Variants in ZBTB16 observed in about 807,000 individuals in gnomAD.
ZBTB16 encodes the protein zinc finger and BTB domain-containing protein 16.
Under a neutral mutation model 56.8 loss-of-function variants are expected in ZBTB16, and 8 were observed. The ratio of observed to expected loss-of-function variants is 0.14; its 90% CI spans 0.08 to 0.25. ZBTB16 has a LOEUF of 0.25. ZBTB16 is among the 10% of genes least tolerant of loss of function. The probability of loss-of-function intolerance (pLI) is 1.00; values close to 1 mark genes in which losing one functional copy is unlikely to be tolerated. For synonymous variants in ZBTB16, 363 were observed against 368.5 expected (o/e 0.98, Z 0.17); for missense variants, 625 against 903.0 (o/e 0.69, Z 3.95).
At chr11:114,166,853 C>T (rs1345711761) in intron 3 of ZBTB16, among the ~76,000 whole-genome samples, 4 of 152,074 alleles carry the variant, frequency 2.6e-5, no homozygotes, top group African/African-American at 7.2e-5. Flanking sequence ...CTGGAGTTTC[C>T]GAGGAATCCA....
intron 2 of ZBTB16, among the ~76,000 whole-genome samples, chr11:114,116,469 T>G (rs1941178904): frequency 2.0e-5 from 3 of 152,222 alleles, no homozygotes; most frequent in Admixed American, 6.5e-5. Flanking sequence ...GATGGATATT[T>G]GGGCATTTGA....
chr11:114,243,192 A>G lies in ZBTB16; in HGVS notation c.1624+855A>G, dbSNP rs541013189. ...AAACTACCTGGTTAAAGGAATGCCCATTTCTGAGTCTGCCTTTGTGTGCTG... is the reference window on the plus strand; with the variant it reads ...AAACTACCTGGTTAAAGGAATGCCCGTTTCTGAGTCTGCCTTTGTGTGCTG... On this transcript the variant is annotated intron_variant, in intron 5 of 6. Coordinates refer to ENST00000335953, the MANE Select transcript of ZBTB16 (RefSeq NM_006006.6). Among the ~76,000 whole-genome samples, 171 of 152,302 alleles carry G rather than the reference A, an allele frequency of 1.1e-3. 1 individual carries two copies. Among genetic ancestry groups the G allele is most frequent in the Non-Finnish European group, 1.9e-3 (126 of 68,010 alleles).
At chr11:114,144,177 GACACACACACACAC>G (rs56679355) in intron 2 of ZBTB16, among the ~76,000 whole-genome samples, 1 of 144,968 alleles carries the variant, frequency 6.9e-6, no homozygotes, top group African/African-American at 2.5e-5. Flanking sequence ...GTGTTTGCCA[GACACACACACACAC>G]ACACACACAC....
chr11:114,148,375 TCCTTCCTTCCTTCCTC>T (rs1942170031), intron 2 of ZBTB16, among the ~76,000 whole-genome samples: 1 of 139,442 alleles, frequency 7.2e-6, no homozygotes, highest in African/African-American at 2.8e-5. Flanking sequence ...CTTCCTTCCT[TCCTTCCTTCCTTCCTC>T]CTTCCCTCCC....
rs112104481 is a variant in ZBTB16, at chr11:114,248,597, G to C, written c.1792+1232G>C. 2.0e-3 allele frequency among the ~76,000 whole-genome samples: 311 copies of C among 152,316 alleles called. 1 individual carries two copies. Among genetic ancestry groups the C allele is most frequent in the Admixed American group, 2.8e-3 (43 of 15,302 alleles). On this transcript the variant is annotated intron_variant, in intron 6 of 6. Transcript: ENST00000335953. The stretch of plus-strand genomic sequence containing the variant: ...AGACAGCTGTCCTGTCCAGAGGAAG[G>C]GGGAGAGGTGGCTTCAGGCAGGTCC...
At chr11:114,076,015 G>A (rs1939548991) in intron 2 of ZBTB16, among the ~76,000 whole-genome samples, 1 of 152,120 alleles carries the variant, frequency 6.6e-6, no homozygotes, top group Admixed American at 6.5e-5. Flanking sequence ...ATGTTTGTGA[G>A]TTGTCTGGCA....
chr11:114,149,699 C>T (rs926952457), intron 2 of ZBTB16, among the ~76,000 whole-genome samples: 1 of 152,140 alleles, frequency 6.6e-6, no homozygotes, highest in Non-Finnish European at 1.5e-5. Context: ...GTAATACCCG[C>T]TAAGCATTCA....
At chr11:114,210,817 G>C (rs1943984524) in intron 4 of ZBTB16, 1 of 216,760 alleles carries the variant, frequency 4.6e-6, no homozygotes, top group South Asian at 1.9e-4. Flanking sequence ...CCACAGTGGG[G>C]TTCAAAATTT....
intron 2 of ZBTB16, among the ~76,000 whole-genome samples, chr11:114,115,759 G>A (rs1260292631): frequency 6.6e-6 from 1 of 152,182 alleles, no homozygotes; most frequent in Non-Finnish European, 1.5e-5. Flanking sequence ...TGCTGTGGCT[G>A]TCCTCCGCTG....
chr11:114,151,719 C>A (rs920576180), intron 2 of ZBTB16, among the ~76,000 whole-genome samples: 1 of 152,218 alleles, frequency 6.6e-6, no homozygotes, highest in Non-Finnish European at 1.5e-5. Context: ...TGCTCCTGGG[C>A]TTTTCCCTTT....
chr11:114,165,039 C>G (rs1169543672), intron 3 of ZBTB16, among the ~76,000 whole-genome samples: 1 of 152,164 alleles, frequency 6.6e-6, no homozygotes, highest in African/African-American at 2.4e-5. Context: ...CTGTCTCTCT[C>G]TTTCTCTGTC....
chr11:114,191,765 C>T (rs2135075445), intron 4 of ZBTB16, among the ~76,000 whole-genome samples: 1 of 152,202 alleles, frequency 6.6e-6, no homozygotes, highest in East Asian at 1.9e-4. Flanking sequence ...TGACTATACA[C>T]ACATGCATGC....
intron 2 of ZBTB16, among the ~76,000 whole-genome samples, chr11:114,136,881 C>T (rs1941810498): frequency 6.6e-6 from 1 of 152,130 alleles, no homozygotes; most frequent in South Asian, 2.1e-4. Context: ...TATGACTGAG[C>T]TCTCATTCCT....
chr11:114,247,903 AT>A (rs11417965), intron 6 of ZBTB16, among the ~76,000 whole-genome samples: 1 of 148,272 alleles, frequency 6.7e-6, no homozygotes, highest in Non-Finnish European at 1.5e-5. Context: ...GTGCCTTCAC[AT>A]TTTTTTTTTT....
At chr11:114,070,741 A>G (rs149887391) in intron 2 of ZBTB16, among the ~76,000 whole-genome samples, 4 of 152,330 alleles carry the variant, frequency 2.6e-5, no homozygotes, top group African/African-American at 4.8e-5. Context: ...CTTGACGTCA[A>G]TCCTAAAGGT....
intron 3 of ZBTB16, among the ~76,000 whole-genome samples, chr11:114,163,805 C>T (rs936834151): frequency 6.6e-5 from 10 of 152,168 alleles, no homozygotes; most frequent in African/African-American, 1.9e-4. Context: ...CCTCCCACCC[C>T]GCAAATCCCC....
chr11:114,201,008 G>A (rs1381970194), intron 4 of ZBTB16, among the ~76,000 whole-genome samples: 1 of 152,306 alleles, frequency 6.6e-6, no homozygotes, highest in East Asian at 1.9e-4. Flanking sequence ...CCTCAAGGCT[G>A]TTATTCCTCC....
chr11:114,203,994 A>G (rs943159428), intron 4 of ZBTB16, among the ~76,000 whole-genome samples: 7 of 152,144 alleles, frequency 4.6e-5, no homozygotes, highest in Admixed American at 1.3e-4. Context: ...GCCAGCCATC[A>G]TCTGGCCTGG....
At chr11:114,132,573 G>A (rs1941693871) in intron 2 of ZBTB16, among the ~76,000 whole-genome samples, 1 of 152,092 alleles carries the variant, frequency 6.6e-6, no homozygotes, top group East Asian at 1.9e-4. Context: ...CTGCCCCCTC[G>A]CAAGCTTGTT....
Sources: allele counts gnomAD v4.1 joint callset (sites outside exome capture counted in the v4.1 genomes callset), GRCh38; gene constraint gnomAD v4.1.1; transcripts MANE v1.5; gene names NCBI Gene and HGNC (gene_info 2026-07-23, HGNC 2026-07-21).